UBE3C: variants seen among roughly 807,000 people sequenced by gnomAD.
UBE3C encodes the protein ubiquitin-protein ligase E3C.
A neutral mutation model predicts 129.4 loss-of-function variants in UBE3C; 42 were observed. The ratio of observed to expected loss-of-function variants is 0.32; its 90% CI spans 0.25 to 0.42. The LOEUF is 0.42. Among genes scored for constraint, UBE3C ranks in the 10% least tolerant of loss-of-function variants. UBE3C has a pLI of 1.00. For missense variants in UBE3C, 1,049 were observed against 1,319.1 expected (o/e 0.80, Z 3.17); for synonymous variants, 510 against 492.4 (o/e 1.04, Z -0.47).
At chr7:157,232,715 A>G (rs548151140) in intron 18 of UBE3C, among the ~76,000 whole-genome samples, 1 of 152,342 alleles carries the variant, frequency 6.6e-6, no homozygotes, top group East Asian at 1.9e-4. Context: ...TTCTGTAAGA[A>G]TCAGAGCTAT....
intron 18 of UBE3C, among the ~76,000 whole-genome samples, chr7:157,247,034 G>A (rs1207579152): frequency 1.3e-5 from 2 of 152,182 alleles, no homozygotes; most frequent in African/African-American, 2.4e-5. Flanking sequence ...GGGATTATAG[G>A]CATATGCCAC....
intron 18 of UBE3C, among the ~76,000 whole-genome samples, chr7:157,235,338 T>G (rs967275367): frequency 6.6e-6 from 1 of 152,210 alleles, no homozygotes; most frequent in Non-Finnish European, 1.5e-5. Flanking sequence ...ACTCTAAACT[T>G]GGTGGTTTTT....
chr7:157,222,924 C>G (rs1448616037), intron 15 of UBE3C: 1 of 243,270 alleles, frequency 4.1e-6, no homozygotes, highest in Non-Finnish European at 8.1e-6. Context: ...AGGGCACCGC[C>G]CACTGCTGGA....
intron 22 of UBE3C, among the ~76,000 whole-genome samples, chr7:157,257,570 G>A (rs1018112248): frequency 1.1e-4 from 17 of 151,862 alleles, no homozygotes; most frequent in Non-Finnish European, 1.2e-4. Context: ...CCCTGTCTTT[G>A]CTAAAAATAC....
Position 157,207,698 on chromosome 7 carries a change from T to G in UBE3C, c.1577-5T>G. ...AACAATAGAAAACTGGATTGTGTTT[T>G]TTAGTTGTAGGTCAAAGACAATCAT... On this transcript the variant is annotated splice_polypyrimidine_tract_variant and splice_region_variant and intron_variant, in intron 12 of 22. Coordinates refer to ENST00000348165, the MANE Select transcript of UBE3C (RefSeq NM_014671.3). The G allele has an allele frequency of 6.2e-7, 1 of 1,609,084 alleles. No individual in the cohort carries two copies. Among genetic ancestry groups the G allele is most frequent in the South Asian group, 1.1e-5 (1 of 89,868 alleles).
intron 19 of UBE3C, 181 bp downstream of exon 19, chr7:157,248,761 G>A: frequency 3.2e-6 from 2 of 630,442 alleles, no homozygotes; most frequent in Non-Finnish European, 5.4e-6. Flanking sequence ...CGTCTGAGCT[G>A]AGTGCAGTTC....
intron 9 of UBE3C, among the ~76,000 whole-genome samples, chr7:157,184,966 A>C (rs1808768640): frequency 6.6e-6 from 1 of 152,192 alleles, no homozygotes; most frequent in African/African-American, 2.4e-5. Flanking sequence ...TGGACAGTGG[A>C]TGCTGGAACT....
intron 13 of UBE3C, among the ~76,000 whole-genome samples, chr7:157,211,280 G>A (rs776891961): frequency 1.3e-5 from 2 of 151,588 alleles, no homozygotes; most frequent in African/African-American, 4.9e-5. Context: ...AAGTAATAAA[G>A]CAACAGCAGT....
At chr7:157,261,317 A>AGG (rs1796905635) in intron 22 of UBE3C, among the ~76,000 whole-genome samples, 1 of 105,766 alleles carries the variant, frequency 9.5e-6, no homozygotes, top group African/African-American at 4.6e-5. Context: ...AAAAAAAAAA[A>AGG]AAAAAAAAAA....
chr7:157,252,890 G>A (rs1796653820), intron 19 of UBE3C, among the ~76,000 whole-genome samples: 1 of 152,150 alleles, frequency 6.6e-6, no homozygotes, highest in Non-Finnish European at 1.5e-5. Flanking sequence ...AATGCAGTTG[G>A]GGTGTTTTTG....
intron 22 of UBE3C, among the ~76,000 whole-genome samples, chr7:157,266,841 C>T (rs1458720853): frequency 1.3e-5 from 2 of 152,052 alleles, no homozygotes; most frequent in Non-Finnish European, 2.9e-5. Context: ...CTCAAGACAT[C>T]TTTTCACCTC....
chr7:157,206,534 T>C (rs1395516408), intron 11 of UBE3C, among the ~76,000 whole-genome samples: 1 of 152,146 alleles, frequency 6.6e-6, no homozygotes, highest in Non-Finnish European at 1.5e-5. Context: ...AGTGCTGGGA[T>C]TACAGGCGTG....
Position 157,178,765 on chromosome 7 carries a change from G to A in UBE3C, c.534G>A (p.Glu178=). 4 of 1,614,160 alleles carry A rather than the reference G, an allele frequency of 2.5e-6. No homozygotes were observed. The highest frequency in any genetic ancestry group is 2.2e-5 in the South Asian group (2 of 91,082). ...GAATGCTTGAAGTATTTTCGTCTGA[G>A]AATACTTACTTGCCTGTTTTACAAG... is the stretch of plus-strand genomic sequence containing the variant. ...PMRMLEVFSS[E]NTYLPVLQDA... The change falls in exon 6 of 23, where the codon GAG becomes GAA. Residue 178 remains glutamate (E), a synonymous_variant. Transcript: ENST00000348165.
At chr7:157,168,334 C>CAA (rs34110466) in intron 2 of UBE3C, among the ~76,000 whole-genome samples, 6 of 110,046 alleles carry the variant, frequency 5.5e-5, no homozygotes, top group Non-Finnish European at 8.1e-5. Flanking sequence ...GACTCTGTCT[C>CAA]AAAAAAAAAA....
At chr7:157,174,474 G>T (rs1166403120) in intron 4 of UBE3C, among the ~76,000 whole-genome samples, 3 of 151,408 alleles carry the variant, frequency 2.0e-5, no homozygotes, top group Non-Finnish European at 4.4e-5. Flanking sequence ...TGGAGACAGG[G>T]TCTCTCTCTC....
intron 1 of UBE3C, among the ~76,000 whole-genome samples, chr7:157,147,185 TGTTTA>T (rs1411382844): frequency 6.6e-6 from 1 of 152,238 alleles, no homozygotes; most frequent in South Asian, 2.1e-4. Flanking sequence ...TCTCTTAATT[TGTTTA>T]GTTCTTTTAT....
chr7:157,258,242 A>G (rs1052650102), intron 22 of UBE3C, among the ~76,000 whole-genome samples: 2 of 151,804 alleles, frequency 1.3e-5, no homozygotes, highest in African/African-American at 4.8e-5. Context: ...CCACCACACC[A>G]TGCCCAGCTG....
intron 2 of UBE3C, among the ~76,000 whole-genome samples, chr7:157,166,090 C>G (rs1808204688): frequency 6.6e-6 from 1 of 152,124 alleles, no homozygotes; most frequent in Non-Finnish European, 1.5e-5. Flanking sequence ...TTTCCTAATC[C>G]TTTCTTTGAC....
At chr7:157,261,306 G>GAAAAAAAAA (rs57114090) in intron 22 of UBE3C, among the ~76,000 whole-genome samples, 1 of 78,022 alleles carries the variant, frequency 1.3e-5, no homozygotes, top group Non-Finnish European at 2.3e-5. Flanking sequence ...AACTCTGTCT[G>GAAAAAAAAA]AAAAAAAAAA....
Sources: gnomAD v4.1 joint callset for allele counts (sites outside exome capture counted in the v4.1 genomes callset) on GRCh38, gnomAD v4.1.1 for gene constraint, MANE v1.5 for transcripts, NCBI Gene and HGNC (gene_info 2026-07-23, HGNC 2026-07-21) for gene names.